The following AGBL1 variants were observed in gnomAD, a reference collection of about 807,000 sequenced individuals.
AGBL1 encodes AGBL carboxypeptidase 1.
In AGBL1, 130 loss-of-function variants were observed where a neutral mutation model predicts 118.9. The observed-to-expected ratio is 1.09, with a 90% CI of 0.95 to 1.26. The LOEUF (loss-of-function observed/expected upper bound fraction) is 1.26, where lower values mean the gene tolerates loss of function less well. Ranked by LOEUF, AGBL1 falls within the 50% of genes most tolerant of loss-of-function variation. The pLI, the probability that AGBL1 is intolerant of heterozygous loss-of-function variation, is 0.00. For synonymous variants in AGBL1, 555 were observed against 478.9 expected (o/e 1.16, Z -2.08); for missense variants, 1,584 against 1,298.1 (o/e 1.22, Z -3.38).
chr15:86,305,722 C>T (rs950560527), intron 17 of AGBL1, among the ~76,000 whole-genome samples: 1 of 152,136 alleles, frequency 6.6e-6, no homozygotes, highest in African/African-American at 2.4e-5. Context: ...CATGCACACA[C>T]ACATGCACAC....
intron 19 of AGBL1, among the ~76,000 whole-genome samples, chr15:86,540,281 C>G (rs1466294455): frequency 6.6e-6 from 1 of 152,114 alleles, no homozygotes; most frequent in Non-Finnish European, 1.5e-5. Flanking sequence ...TTTGTTGAAT[C>G]AATTGATAAA....
chr15:86,083,870 G>A (rs942111266), intron 1 of AGBL1: 2 of 152,248 alleles, frequency 1.3e-5, no homozygotes, highest in Non-Finnish European at 2.9e-5. Context: ...TATCCATAGG[G>A]TCAGGTGGAA....
rs78855902 is a variant in AGBL1 at position 86,271,718 on chromosome 15, C to T, written c.2075+12C>T. The T allele has an allele frequency of 2.0e-3, 3,138 of 1,601,344 alleles. 47 individuals carry two copies. The African/African-American group carries it at 0.032, about 16-fold the overall frequency. Reference sequence around the variant, plus strand: ...ATATGTTATTACAAGTAAGTTAGAGCGCTGTTAGCTTCCTTTTCTCTGTCC... The same window carrying T: ...ATATGTTATTACAAGTAAGTTAGAGTGCTGTTAGCTTCCTTTTCTCTGTCC... On this transcript the variant is annotated intron_variant, in intron 15 of 22. Transcript: ENST00000614907.
In AGBL1 at chr15:86,863,435, G is replaced by T. The variant is rs150848912; in HGVS notation, c.3159-43652G>T. 6.4e-3 allele frequency among the ~76,000 whole-genome samples: 979 copies of T among 152,132 alleles called. 4 individuals carry two copies. Among genetic ancestry groups the T allele is most frequent in the Middle Eastern group, 0.014 (4 of 294 alleles). On this transcript the variant is annotated intron_variant, in intron 22 of 22. Coordinates refer to ENST00000614907, the MANE Select transcript of AGBL1 (RefSeq NM_001386094.1). ...CAGGCTCTAGATTCAAGCCCTTGAG[G>T]CCTAATGGATGTCTCATCCACAGCA...
intron 18 of AGBL1, among the ~76,000 whole-genome samples, chr15:86,437,199 A>C (rs1389720924): frequency 6.6e-6 from 1 of 152,200 alleles, no homozygotes; most frequent in African/African-American, 2.4e-5. Context: ...GACTGAGAAT[A>C]AATATTGCTG....
At chr15:86,214,007 G>T (rs1333097547) in intron 5 of AGBL1, among the ~76,000 whole-genome samples, 3 of 152,146 alleles carry the variant, frequency 2.0e-5, no homozygotes, top group Non-Finnish European at 4.4e-5. Context: ...TAAGTGGAAT[G>T]AATTGCACAA....
chr15:86,767,956 C>T (rs928748825), intron 22 of AGBL1, among the ~76,000 whole-genome samples: 11 of 151,834 alleles, frequency 7.2e-5, no homozygotes, highest in Admixed American at 5.9e-4. Flanking sequence ...CCATGAAAAC[C>T]GTGAGTTGAG....
intron 18 of AGBL1, among the ~76,000 whole-genome samples, chr15:86,494,916 G>A (rs1221448291): frequency 6.7e-6 from 1 of 149,944 alleles, no homozygotes; most frequent in Non-Finnish European, 1.5e-5. Flanking sequence ...ATTTAACAAA[G>A]TTTAACATTT....
In AGBL1 at chr15:86,814,182, C is replaced by G. The variant is rs75284992; in HGVS notation, c.3159-92905C>G. 3.1e-3 allele frequency among the ~76,000 whole-genome samples: 473 copies of G among 152,310 alleles called. 3 individuals carry two copies. Among genetic ancestry groups the G allele is most frequent in the African/African-American group, 0.011 (442 of 41,584 alleles). On this transcript the variant is annotated intron_variant, in intron 22 of 22. Coordinates refer to ENST00000614907, the MANE Select transcript of AGBL1 (RefSeq NM_001386094.1). ...GCCTGAGCTCTGCCTCTTGTCAAAT[C>G]AGCGGCAGCACTGGAGTCTTGTAGG...
At chr15:86,436,005 T>C (rs1264654329) in intron 18 of AGBL1, among the ~76,000 whole-genome samples, 1 of 152,170 alleles carries the variant, frequency 6.6e-6, no homozygotes, top group East Asian at 1.9e-4. Flanking sequence ...AAGGAATATT[T>C]AAATTCAGTT....
chr15:86,623,422 T>C (rs1311005464), intron 21 of AGBL1, among the ~76,000 whole-genome samples: 1 of 152,194 alleles, frequency 6.6e-6, no homozygotes, highest in East Asian at 1.9e-4. Context: ...TTGAGACCAC[T>C]GTGGCTGGTT....
intron 17 of AGBL1, among the ~76,000 whole-genome samples, chr15:86,322,942 T>C (rs940161948): frequency 5.3e-5 from 8 of 152,188 alleles, no homozygotes; most frequent in Non-Finnish European, 7.3e-5. Flanking sequence ...TACCAGCTTT[T>C]TGCAGTGGTC....
At chr15:86,815,635 TAAG>T (rs1320663030) in intron 22 of AGBL1, among the ~76,000 whole-genome samples, 1 of 152,094 alleles carries the variant, frequency 6.6e-6, no homozygotes, top group Admixed American at 6.6e-5. Flanking sequence ...ACCCAGGAGA[TAAG>T]TAGTACGGTT....
chr15:86,777,633 T>C (rs2078277402), intron 22 of AGBL1, among the ~76,000 whole-genome samples: 1 of 152,206 alleles, frequency 6.6e-6, no homozygotes, highest in African/African-American at 2.4e-5. Context: ...TTTTTATTTA[T>C]AACATTTCTT....
At chr15:86,123,374 G>A (rs1214340921) in intron 1 of AGBL1, among the ~76,000 whole-genome samples, 2 of 152,048 alleles carry the variant, frequency 1.3e-5, no homozygotes, top group Non-Finnish European at 1.5e-5. Flanking sequence ...TGAGTAGCTG[G>A]GATTACAGGT....
intron 5 of AGBL1, among the ~76,000 whole-genome samples, chr15:86,162,089 A>G (rs567018356): frequency 6.6e-4 from 100 of 152,312 alleles, no homozygotes; most frequent in Admixed American, 1.2e-3. Flanking sequence ...GCCAATTTCC[A>G]TCTTTCACAA....
Position 86,247,732 on chromosome 15 carries a change from G to A in AGBL1, c.588G>A (p.Gln196=), listed in dbSNP as rs2078744065. 1 of 1,613,688 alleles carries A rather than the reference G, an allele frequency of 6.2e-7. No individual in the cohort carries two copies. The highest frequency in any genetic ancestry group is 8.5e-7 in the Non-Finnish European group (1 of 1,179,816). The change falls in exon 7 of 23, where the codon CAG becomes CAA. Residue 196 remains glutamine (Q), a synonymous_variant. Transcript: ENST00000614907. The part of the protein sequence containing the change: ...GYVTSLLGLH[Q]DWHSHDTANA... ...TCACCAGCCTGCTCGGGCTGCACCA[G>A]GACTGGCACAGCCATGACACAGCCA...
intron 22 of AGBL1, among the ~76,000 whole-genome samples, chr15:86,721,456 A>C (rs2086719464): frequency 6.6e-6 from 1 of 152,204 alleles, no homozygotes; most frequent in Non-Finnish European, 1.5e-5. Context: ...ACAACGCTTC[A>C]TGCTAAAAAC....
At chr15:86,571,040 C>G (rs1320853652) in intron 21 of AGBL1, among the ~76,000 whole-genome samples, 1 of 152,192 alleles carries the variant, frequency 6.6e-6, no homozygotes, top group Non-Finnish European at 1.5e-5. Flanking sequence ...GCTCCAGGTG[C>G]TGGCATGGAC....
Sources: allele counts gnomAD v4.1 joint callset (sites outside exome capture counted in the v4.1 genomes callset), GRCh38; gene constraint gnomAD v4.1.1; transcripts MANE v1.5; gene names NCBI Gene and HGNC (gene_info 2026-07-23, HGNC 2026-07-21).